IQCJ: variants seen among roughly 807,000 people sequenced by gnomAD.
The protein encoded by IQCJ is IQ domain-containing protein J.
In IQCJ, 9 loss-of-function variants were observed where a neutral mutation model predicts 11.0. The ratio of observed to expected loss-of-function variants is 0.82; its 90% CI spans 0.49 to 1.43. The LOEUF (loss-of-function observed/expected upper bound fraction) is 1.43. Among genes scored for constraint, IQCJ ranks in the 40% most tolerant of loss-of-function variants. The pLI, the probability that IQCJ is intolerant of heterozygous loss-of-function variation, is 0.00. For synonymous variants in IQCJ, 55 were observed against 51.3 expected, an observed-to-expected ratio of 1.07 and a Z score of -0.31; for missense variants, 146 against 133.2, an observed-to-expected ratio of 1.10 and a Z score of -0.47.
At chr3:159,243,545 G>A (rs1230490267) in intron 1 of IQCJ, among the ~76,000 whole-genome samples, 1 of 151,668 alleles carries the variant, frequency 6.6e-6, no homozygotes, top group African/African-American at 2.4e-5. Flanking sequence ...TTATACGAAA[G>A]TCTAGAACAG....
chr3:159,169,804 G>A (rs998132086), intron 1 of IQCJ, among the ~76,000 whole-genome samples: 10 of 152,150 alleles, frequency 6.6e-5, no homozygotes, highest in Non-Finnish European at 1.2e-4. Flanking sequence ...CTGCAAGAGG[G>A]TGGGAAGAGT....
intron 1 of IQCJ, among the ~76,000 whole-genome samples, chr3:159,218,844 GAT>G (rs1216229792): frequency 6.6e-6 from 1 of 152,074 alleles, no homozygotes; most frequent in Non-Finnish European, 1.5e-5. Flanking sequence ...AACGGGTTTT[GAT>G]GAGTTAACAT....
rs1176055636 is a variant in IQCJ, at chr3:159,091,891, A to G, written c.9+22450A>G. ...TGGTGCAGAAAGCTATGCTTCATAGAATTTCAGCTAATAAATGTAGAAGGA... is the reference window on the plus strand; with the variant it reads ...TGGTGCAGAAAGCTATGCTTCATAGGATTTCAGCTAATAAATGTAGAAGGA... On this transcript the variant is annotated intron_variant, in intron 1 of 3. Transcript: ENST00000397832. Among the ~76,000 whole-genome samples, 4 of 151,790 alleles carry G rather than the reference A, an allele frequency of 2.6e-5. No homozygotes were observed. In the East Asian group the frequency reaches 7.7e-4, roughly 29 times the overall value.
At chr3:159,104,728 C>T (rs549002145) in intron 1 of IQCJ, among the ~76,000 whole-genome samples, 1 of 152,242 alleles carries the variant, frequency 6.6e-6, no homozygotes, top group South Asian at 2.1e-4. Flanking sequence ...TCCTGTTTGC[C>T]CTTGTGAGCA....
At chr3:159,090,062 T>A (rs1347853125) in intron 1 of IQCJ, among the ~76,000 whole-genome samples, 3 of 151,796 alleles carry the variant, frequency 2.0e-5, no homozygotes, top group Non-Finnish European at 4.4e-5. Flanking sequence ...TATCTACTTT[T>A]GGTCTTTGAT....
chr3:159,263,351 A>C lies in IQCJ; in HGVS notation c.*620A>C. On this transcript the variant is annotated 3_prime_UTR_variant, in exon 4 of 4. Coordinates refer to ENST00000397832, the MANE Select transcript of IQCJ (RefSeq NM_001042706.3). ...GTAAGAAAATTTAAAAGGTAAAGTA[A>C]GCATGCCTACAGACCACAATTGACC... 2 of 659,178 alleles carry C rather than the reference A, an allele frequency of 3.0e-6. No homozygotes were observed. Among genetic ancestry groups the C allele is most frequent in the Non-Finnish European group, 3.8e-6 (2 of 532,160 alleles). The allele number at this position is 659,178 out of a possible 1,614,324, so 40.8% of individuals were successfully genotyped here.
intron 1 of IQCJ, among the ~76,000 whole-genome samples, chr3:159,101,537 C>G (rs1717918200): frequency 1.3e-5 from 2 of 152,196 alleles, no homozygotes; most frequent in South Asian, 4.1e-4. Context: ...ACTATCATCC[C>G]CATGTGTTTC....
In IQCJ at chr3:159,248,389, G is replaced by A. The variant is rs76171482; in HGVS notation, c.74+2482G>A. On this transcript the variant is annotated intron_variant, in intron 2 of 3. Coordinates refer to ENST00000397832, the MANE Select transcript of IQCJ (RefSeq NM_001042706.3). Reference sequence around the variant, plus strand: ...ATTTATTTTTATTATGCCTGCTCTCGTTAATATGAATAAATAAGAATAAAA... The same window carrying A: ...ATTTATTTTTATTATGCCTGCTCTCATTAATATGAATAAATAAGAATAAAA... Among the ~76,000 whole-genome samples, 913 of 152,196 alleles carry A rather than the reference G, an allele frequency of 6.0e-3. 10 individuals are homozygous for A. The highest frequency in any genetic ancestry group is 0.021 in the African/African-American group (876 of 41,512).
chr3:159,263,192 G>A lies in IQCJ; in HGVS notation c.*461G>A. Reference sequence around the variant, plus strand: ...TGCCCCTGGCTACACGGAGAACATAGACCTCACCTGAAGGGCAGCGCACTT... The same window carrying A: ...TGCCCCTGGCTACACGGAGAACATAAACCTCACCTGAAGGGCAGCGCACTT... On this transcript the variant is annotated 3_prime_UTR_variant, in exon 4 of 4. Coordinates refer to ENST00000397832, the MANE Select transcript of IQCJ (RefSeq NM_001042706.3). The A allele has an allele frequency of 2.0e-6, 1 of 506,578 alleles. No homozygotes were observed. The highest frequency in any genetic ancestry group is 6.3e-5 in the Admixed American group (1 of 15,882). The allele number at this position is 506,578 out of a possible 1,614,324, so 31.4% of individuals were successfully genotyped here. A position where few individuals can be genotyped will look rare whatever the true frequency, so the allele number is the denominator to read the frequency against.
intron 2 of IQCJ, among the ~76,000 whole-genome samples, chr3:159,252,345 T>C (rs1727650146): frequency 6.6e-6 from 1 of 152,208 alleles, no homozygotes; most frequent in African/African-American, 2.4e-5. Flanking sequence ...GTGGTACTAC[T>C]GGGGATGAGT....
In IQCJ at chr3:159,262,770, G is replaced by A; in HGVS notation, c.*39G>A. The A allele has an allele frequency of 1.3e-6, 2 of 1,594,800 alleles. No individual in the cohort carries two copies. Among genetic ancestry groups the A allele is most frequent in the Non-Finnish European group, 1.7e-6 (2 of 1,167,622 alleles). On this transcript the variant is annotated 3_prime_UTR_variant, in exon 4 of 4. Coordinates refer to ENST00000397832, the MANE Select transcript of IQCJ (RefSeq NM_001042706.3). ...GGTTCTAAGAGAGAAATCTTGGGATGTGAGCAGGTGGTTTGTGACAGTGAA... is the reference window on the plus strand; with the variant it reads ...GGTTCTAAGAGAGAAATCTTGGGATATGAGCAGGTGGTTTGTGACAGTGAA...
At chr3:159,189,138 T>C (rs185433983) in intron 1 of IQCJ, among the ~76,000 whole-genome samples, 49 of 152,238 alleles carry the variant, frequency 3.2e-4, no homozygotes, top group African/African-American at 1.1e-3. Context: ...ATGCAGAAGA[T>C]AGCCATCTAT....
chr3:159,122,698 A>G (rs570725687), intron 1 of IQCJ, among the ~76,000 whole-genome samples: 41 of 152,366 alleles, frequency 2.7e-4, no homozygotes, highest in Admixed American at 1.8e-3. Context: ...TGAAAATAAA[A>G]GAGAAAAATC....
intron 1 of IQCJ, among the ~76,000 whole-genome samples, chr3:159,240,139 G>C (rs984757807): frequency 6.6e-6 from 1 of 152,082 alleles, no homozygotes; most frequent in African/African-American, 2.4e-5. Flanking sequence ...TTAGAATATG[G>C]AACCAGAGTC....
rs200408739 is a variant in IQCJ at position 159,110,539 on chromosome 3, CCTT to C, written c.9+41103_9+41105del. ...CAATGATTTGTTCCTCTTTAATGCT[CCTT>C]CTTCACCTTTTACTTGATTATTCTG... On this transcript the variant is annotated intron_variant, in intron 1 of 3. Transcript: ENST00000397832. Among the ~76,000 whole-genome samples, 1,313 of 152,276 alleles carry C rather than the reference CCTT, an allele frequency of 8.6e-3. 17 individuals are homozygous for C. The highest frequency in any genetic ancestry group is 0.03 in the African/African-American group (1,246 of 41,558).
chr3:159,259,250 C>G (rs1405430803), intron 3 of IQCJ, among the ~76,000 whole-genome samples: 1 of 152,102 alleles, frequency 6.6e-6, no homozygotes, highest in Admixed American at 6.6e-5. Context: ...AGAAGATACA[C>G]AGGAACTGAC....
chr3:159,116,108 A>C (rs1438156693), intron 1 of IQCJ, among the ~76,000 whole-genome samples: 1 of 152,100 alleles, frequency 6.6e-6, no homozygotes, highest in Admixed American at 6.6e-5. Context: ...GGTGGGGCAC[A>C]ACTGTGGTCC....
chr3:159,221,042 T>C (rs1030099981), intron 1 of IQCJ, among the ~76,000 whole-genome samples: 4 of 152,066 alleles, frequency 2.6e-5, no homozygotes, highest in African/African-American at 9.7e-5. Flanking sequence ...ATTTGAAAAA[T>C]AGAATAAGGC....
chr3:159,081,356 G>C (rs1192490708), intron 1 of IQCJ, among the ~76,000 whole-genome samples: 1 of 152,042 alleles, frequency 6.6e-6, no homozygotes, highest in African/African-American at 2.4e-5. Context: ...TTGGCATTGG[G>C]AATGACTTAG....
Sources: gnomAD v4.1 joint callset for allele counts (sites outside exome capture counted in the v4.1 genomes callset) on GRCh38, gnomAD v4.1.1 for gene constraint, MANE v1.5 for transcripts, NCBI Gene and HGNC (gene_info 2026-07-23, HGNC 2026-07-21) for gene names.